GALK2: variants seen among roughly 807,000 people sequenced by gnomAD.
The protein encoded by GALK2 is galactokinase 2, also known as N-acetylgalactosamine kinase.
GALK2 carries 36 observed loss-of-function variants against 52.4 expected under a neutral mutation model. That is an observed-to-expected ratio of 0.69 (90% CI 0.53 to 0.91). The LOEUF is 0.91. Ranked by LOEUF, GALK2 falls within the 40% of genes least tolerant of loss-of-function variation. The pLI is 0.00. For synonymous variants in GALK2, 176 were observed against 199.1 expected, an observed-to-expected ratio of 0.88 and a Z score of 0.98; for missense variants, 579 against 559.1, an observed-to-expected ratio of 1.04 and a Z score of -0.36.
intron 1 of GALK2, among the ~76,000 whole-genome samples, chr15:49,196,087 C>CT (rs566792805): frequency 1.3e-5 from 2 of 152,042 alleles, no homozygotes; most frequent in South Asian, 4.1e-4. Context: ...ATTTTGTTAA[C>CT]TTTTTTCCTA....
chr15:49,229,527 A>C (rs923730256), intron 3 of GALK2, among the ~76,000 whole-genome samples: 3 of 152,178 alleles, frequency 2.0e-5, no homozygotes, highest in African/African-American at 7.2e-5. Context: ...GGGTGGGCTC[A>C]TCTTTAGGTC....
At chr15:49,223,598 T>G (rs1214649898) in intron 3 of GALK2, among the ~76,000 whole-genome samples, 1 of 152,168 alleles carries the variant, frequency 6.6e-6, no homozygotes, top group Non-Finnish European at 1.5e-5. Context: ...TGTCCCTGTG[T>G]ACTCATATTT....
chr15:49,284,084 G>A (rs550904155), intron 7 of GALK2, among the ~76,000 whole-genome samples: 1 of 152,238 alleles, frequency 6.6e-6, no homozygotes, highest in East Asian at 1.9e-4. Flanking sequence ...CTAAGATGCA[G>A]TTTTTTTATT....
At chr15:49,348,482 G>A (rs1418814405) in intron 3 of GALK2, among the ~76,000 whole-genome samples, 7 of 152,212 alleles carry the variant, frequency 4.6e-5, no homozygotes, top group East Asian at 1.9e-4. Flanking sequence ...AGCCAATTTC[G>A]TTTTTCCTTC....
At chr15:49,313,345 C>T (rs1257874655) in intron 8 of GALK2, among the ~76,000 whole-genome samples, 1 of 152,204 alleles carries the variant, frequency 6.6e-6, no homozygotes, top group Non-Finnish European at 1.5e-5. Flanking sequence ...GATGCTAAAG[C>T]CTCAGATGTG....
intron 3 of GALK2, among the ~76,000 whole-genome samples, chr15:49,359,340 C>T (rs1344285680): frequency 8.3e-6 from 1 of 120,034 alleles, no homozygotes; most frequent in African/African-American, 3.2e-5. Context: ...ACCTACTCAT[C>T]TGACAAAGGG....
intron 5 of GALK2, among the ~76,000 whole-genome samples, chr15:49,280,030 A>G (rs1173925042): frequency 6.6e-6 from 1 of 152,236 alleles, no homozygotes; most frequent in African/African-American, 2.4e-5. Flanking sequence ...ATTCTCAGAA[A>G]TTGAAAGCAG....
chr15:49,163,081 G>T (rs1301228814), intron 1 of GALK2, among the ~76,000 whole-genome samples: 2 of 152,130 alleles, frequency 1.3e-5, no homozygotes, highest in African/African-American at 4.8e-5. Context: ...TTCCTAAGTG[G>T]TTTTACCATT....
chr15:49,227,691 T>C (rs1180531407), intron 3 of GALK2, among the ~76,000 whole-genome samples: 1 of 152,060 alleles, frequency 6.6e-6, no homozygotes, highest in East Asian at 1.9e-4. Context: ...TGACTTCTGG[T>C]TGTTTTATAT....
intron 3 of GALK2, chr15:49,366,549 T>A: frequency 1.3e-6 from 2 of 1,582,788 alleles, no homozygotes; most frequent in Non-Finnish European, 1.7e-6. Flanking sequence ...CAATGGGGGT[T>A]ATAAAGCATG....
intron 2 of GALK2, among the ~76,000 whole-genome samples, chr15:49,213,250 C>T (rs999531526): frequency 8.5e-5 from 13 of 152,162 alleles, no homozygotes; most frequent in South Asian, 2.1e-4. Flanking sequence ...TAATGACCTT[C>T]GTCTCTTTTT....
intron 1 of GALK2, among the ~76,000 whole-genome samples, chr15:49,162,668 G>A (rs2084692517): frequency 6.6e-6 from 1 of 152,220 alleles, no homozygotes; most frequent in African/African-American, 2.4e-5. Context: ...AGTCAATCCT[G>A]ATAGGAAAGA....
At chr15:49,203,693 C>T (rs1179800075) in intron 2 of GALK2, among the ~76,000 whole-genome samples, 1 of 152,104 alleles carries the variant, frequency 6.6e-6, no homozygotes, top group Non-Finnish European at 1.5e-5. Context: ...ATTTTAAATT[C>T]ATTTTTATAA....
intron 3 of GALK2, among the ~76,000 whole-genome samples, chr15:49,354,287 G>C (rs575337860): frequency 6.6e-6 from 1 of 152,206 alleles, no homozygotes; most frequent in East Asian, 1.9e-4. Flanking sequence ...AGCTCCCAGC[G>C]TGAGCGACGC....
intron 3 of GALK2, among the ~76,000 whole-genome samples, chr15:49,228,678 T>TAC (rs1566957859): frequency 2.5e-4 from 4 of 15,840 alleles, no homozygotes; most frequent in Non-Finnish European, 2.7e-4. Context: ...TATATATATA[T>TAC]ATATATATAT....
chr15:49,191,120 T>C (rs549861604), intron 1 of GALK2, among the ~76,000 whole-genome samples: 1 of 152,206 alleles, frequency 6.6e-6, no homozygotes, highest in Non-Finnish European at 1.5e-5. Context: ...GACAAAGGGC[T>C]GAAAAAAGCA....
downstream of GALK2, among the ~76,000 whole-genome samples, chr15:49,336,250 T>C (rs1462830175): frequency 1.3e-5 from 2 of 152,346 alleles, no homozygotes; most frequent in Non-Finnish European, 1.5e-5. Context: ...AATGTCCAAG[T>C]ATGTTGCTAA....
chr15:49,345,991 C>T (rs1296705903), intron 3 of GALK2, among the ~76,000 whole-genome samples: 5 of 151,738 alleles, frequency 3.3e-5, no homozygotes, highest in Non-Finnish European at 5.9e-5. Context: ...GAATTGAAAC[C>T]AAGAGGTTAA....
At chr15:49,251,236 C>T (rs1410191591) in intron 5 of GALK2, among the ~76,000 whole-genome samples, 1 of 152,010 alleles carries the variant, frequency 6.6e-6, no homozygotes, top group African/African-American at 2.4e-5. Context: ...TACATTGTGG[C>T]CAAGATGAGT....
Sources: gnomAD v4.1 joint callset for allele counts (sites outside exome capture counted in the v4.1 genomes callset) on GRCh38, gnomAD v4.1.1 for gene constraint, MANE v1.5 for transcripts, NCBI Gene and HGNC (gene_info 2026-07-23, HGNC 2026-07-21) for gene names.